The following KCNH5 variants were observed in gnomAD, a reference collection of about 807,000 sequenced individuals.
KCNH5 encodes the protein voltage-gated delayed rectifier potassium channel KCNH5.
A neutral mutation model predicts 96.1 loss-of-function variants in KCNH5; 46 were observed. That is an observed-to-expected ratio of 0.48 (90% confidence interval 0.38 to 0.61). KCNH5 has a LOEUF of 0.61. KCNH5 is among the 20% of genes least tolerant of loss of function. The pLI, the probability that KCNH5 is intolerant of heterozygous loss-of-function variation, is 0.00. For missense variants in KCNH5, 907 were observed against 1,225.8 expected (o/e 0.74, Z 3.88); for synonymous variants, 439 against 449.8 (o/e 0.98, Z 0.30).
intron 7 of KCNH5, among the ~76,000 whole-genome samples, chr14:62,875,879 A>G (rs1370093728): frequency 6.6e-6 from 1 of 151,982 alleles, no homozygotes; most frequent in Non-Finnish European, 1.5e-5. Flanking sequence ...CCTTCCTTTA[A>G]GAAATGTTGG....
At chr14:62,738,123 T>C (rs936970531) in intron 10 of KCNH5, among the ~76,000 whole-genome samples, 1 of 152,130 alleles carries the variant, frequency 6.6e-6, no homozygotes, top group Non-Finnish European at 1.5e-5. Context: ...AGCACTGTGA[T>C]ACCATGACAG....
At chr14:63,039,358 A>T (rs1273944515) in intron 1 of KCNH5, among the ~76,000 whole-genome samples, 2 of 152,128 alleles carry the variant, frequency 1.3e-5, no homozygotes, top group African/African-American at 4.8e-5. Context: ...TTTAATTTTT[A>T]AAATTTGGGT....
intron 10 of KCNH5, among the ~76,000 whole-genome samples, chr14:62,760,543 A>G (rs1416385248): frequency 6.6e-6 from 1 of 152,258 alleles, no homozygotes; most frequent in East Asian, 1.9e-4. Context: ...GAACTTCTAC[A>G]GATGACATTA....
chr14:62,813,279 T>A (rs1389174628), intron 8 of KCNH5, among the ~76,000 whole-genome samples: 1 of 152,140 alleles, frequency 6.6e-6, no homozygotes, highest in Non-Finnish European at 1.5e-5. Context: ...AATTGTATAG[T>A]GTAATGAGGC....
intron 7 of KCNH5, among the ~76,000 whole-genome samples, chr14:62,934,552 GAC>G (rs1889642368): frequency 6.6e-6 from 1 of 152,114 alleles, no homozygotes; most frequent in Non-Finnish European, 1.5e-5. Context: ...GAGGATGAGG[GAC>G]ACACAGGTGC....
intron 6 of KCNH5, among the ~76,000 whole-genome samples, chr14:62,968,864 C>A (rs148442398): frequency 1.3e-5 from 2 of 152,136 alleles, no homozygotes; most frequent in African/African-American, 4.8e-5. Flanking sequence ...AAGATCTTTG[C>A]TGGATTTGAA....
At chr14:62,836,206 T>G (rs976999712) in intron 8 of KCNH5, among the ~76,000 whole-genome samples, 1 of 152,184 alleles carries the variant, frequency 6.6e-6, no homozygotes, top group East Asian at 1.9e-4. Flanking sequence ...GAAAATAAAA[T>G]TTGTATATAT....
chr14:62,786,059 C>T (rs952429099), intron 9 of KCNH5, among the ~76,000 whole-genome samples: 9 of 151,944 alleles, frequency 5.9e-5, no homozygotes, highest in Admixed American at 5.2e-4. Context: ...GGCACAGTGG[C>T]GGGCGCCTGT....
chr14:62,718,735 G>A (rs182135485), intron 10 of KCNH5, among the ~76,000 whole-genome samples: 57 of 152,280 alleles, frequency 3.7e-4, no homozygotes, highest in Non-Finnish European at 6.8e-4. Context: ...AAAACATATA[G>A]TCACACAAAA....
chr14:62,997,195 A>T lies in KCNH5; in HGVS notation c.433+4136T>A, dbSNP rs111453654. On this transcript the variant is annotated intron_variant, in intron 4 of 10. Transcript: ENST00000322893. ...TTTGCGTTAAAAACAATCCAATTAAACTCTTTTAGTTATGTAAAAATGAAA... is the reference window on the plus strand; with the variant it reads ...TTTGCGTTAAAAACAATCCAATTAATCTCTTTTAGTTATGTAAAAATGAAA... Among the ~76,000 whole-genome samples, 699 of 152,250 alleles carry T rather than the reference A, an allele frequency of 4.6e-3. 5 individuals carry two copies. Among genetic ancestry groups the T allele is most frequent in the African/African-American group, 0.016 (668 of 41,542 alleles).
At chr14:62,868,050 C>T (rs1012188030) in intron 7 of KCNH5, among the ~76,000 whole-genome samples, 4 of 152,236 alleles carry the variant, frequency 2.6e-5, no homozygotes, top group African/African-American at 7.2e-5. Context: ...TGTTCTCTGT[C>T]AAATTGAATA....
intron 7 of KCNH5, among the ~76,000 whole-genome samples, chr14:62,859,948 T>C (rs1412579719): frequency 2.0e-5 from 3 of 152,206 alleles, no homozygotes; most frequent in Admixed American, 6.5e-5. Flanking sequence ...ACCATGGGCA[T>C]TTGAGACACT....
Position 63,045,362 on chromosome 14 carries a change from C to G in KCNH5, c.-176G>C. 1 of 628,792 alleles carries G rather than the reference C, an allele frequency of 1.6e-6. No homozygotes were observed. The highest frequency in any genetic ancestry group is 2.9e-6 in the Non-Finnish European group (1 of 348,774). The allele number at this position is 628,792 out of a possible 1,614,324, so 39.0% of individuals were successfully genotyped here. On this transcript the variant is annotated 5_prime_UTR_variant, in exon 1 of 11. Transcript: ENST00000322893. ...TCTCCAGCCCGACCCGGATGAGCAG[C>G]TCTGGGGAGGAGGACCAGGCAGTTC...
At chr14:62,797,799 T>G (rs1184415872) in intron 9 of KCNH5, among the ~76,000 whole-genome samples, 2 of 151,718 alleles carry the variant, frequency 1.3e-5, no homozygotes, top group Non-Finnish European at 2.9e-5. Context: ...CACTGCAACC[T>G]CAGCCTCCTG....
intron 10 of KCNH5, among the ~76,000 whole-genome samples, chr14:62,710,247 G>A (rs1884540441): frequency 6.6e-6 from 1 of 152,092 alleles, no homozygotes; most frequent in Non-Finnish European, 1.5e-5. Flanking sequence ...TTTATCGAGT[G>A]GTACTAATTT....
chr14:62,853,472 T>C (rs1279748503), intron 7 of KCNH5, among the ~76,000 whole-genome samples: 1 of 112,884 alleles, frequency 8.9e-6, no homozygotes, highest in East Asian at 2.8e-4. Flanking sequence ...TATATATATA[T>C]ATATATATCA....
intron 6 of KCNH5, among the ~76,000 whole-genome samples, chr14:62,959,601 C>A (rs555920733): frequency 1.3e-5 from 2 of 152,096 alleles, no homozygotes; most frequent in African/African-American, 4.8e-5. Flanking sequence ...GATTGTTTGT[C>A]TTATAGAGTT....
intron 2 of KCNH5, among the ~76,000 whole-genome samples, chr14:63,015,930 T>C (rs893310174): frequency 2.6e-5 from 4 of 151,458 alleles, no homozygotes; most frequent in Non-Finnish European, 5.9e-5. Flanking sequence ...TATATATACA[T>C]ATATATATGT....
intron 1 of KCNH5, among the ~76,000 whole-genome samples, chr14:63,029,213 G>A (rs149474214): frequency 2.1e-3 from 325 of 152,162 alleles, no homozygotes; most frequent in Non-Finnish European, 3.7e-3. Context: ...GTTATCAAGT[G>A]GTAAACATTT....
Sources: gnomAD v4.1 joint callset for allele counts (sites outside exome capture counted in the v4.1 genomes callset) on GRCh38, gnomAD v4.1.1 for gene constraint, MANE v1.5 for transcripts, NCBI Gene and HGNC (gene_info 2026-07-23, HGNC 2026-07-21) for gene names.